Variants in LRRC7 observed in about 807,000 individuals in gnomAD.
The protein encoded by LRRC7 is leucine rich repeat containing 7, also known as leucine-rich repeat-containing protein 7.
Under a neutral mutation model 175.7 loss-of-function variants are expected in LRRC7, and 23 were observed. The observed-to-expected ratio is 0.13, with a 90% CI of 0.09 to 0.19. LRRC7 has a LOEUF of 0.19. Ranked by LOEUF, LRRC7 falls within the 10% of genes least tolerant of loss-of-function variation. The pLI, the probability that LRRC7 is intolerant of heterozygous loss-of-function variation, is 1.00. For missense variants in LRRC7, 1,354 were observed against 1,904.7 expected (o/e 0.71, Z 5.38); for synonymous variants, 685 against 680.9 (o/e 1.01, Z -0.09).
intron 10 of LRRC7, among the ~76,000 whole-genome samples, chr1:69,988,741 G>A (rs1354459515): frequency 6.6e-6 from 1 of 152,162 alleles, no homozygotes; most frequent in Non-Finnish European, 1.5e-5. Flanking sequence ...AGCTGGCTTG[G>A]ACTGAATCTG....
intron 4 of LRRC7, among the ~76,000 whole-genome samples, chr1:69,803,559 T>C (rs1676769224): frequency 6.6e-6 from 1 of 151,460 alleles, no homozygotes; most frequent in Admixed American, 6.6e-5. Context: ...TGATTCTATG[T>C]AGAAACATTA....
rs555836205 is a variant in LRRC7, at chr1:70,128,200, G to A, written c.*6313G>A. 6.6e-6 allele frequency among the ~76,000 whole-genome samples: 1 copy of A among 152,270 alleles called. No individual in the cohort carries two copies. The highest frequency in any genetic ancestry group is 1.5e-5 in the Non-Finnish European group (1 of 68,018). The stretch of plus-strand genomic sequence containing the variant: ...TGGTCTCGAACACCTGGCCTCAAAA[G>A]ATCCACCTGCCTCGACCTCCCAAAG... On this transcript the variant is annotated 3_prime_UTR_variant, in exon 27 of 27. Transcript: ENST00000651989.
At chr1:69,712,042 A>T (rs1457688434) in intron 2 of LRRC7, among the ~76,000 whole-genome samples, 1 of 152,196 alleles carries the variant, frequency 6.6e-6, no homozygotes, top group East Asian at 1.9e-4. Flanking sequence ...TTTGACTAAA[A>T]ATCTAGAAAC....
chr1:69,935,401 T>G (rs577570865), intron 8 of LRRC7, among the ~76,000 whole-genome samples: 1 of 152,272 alleles, frequency 6.6e-6, no homozygotes, highest in South Asian at 2.1e-4. Context: ...ACCTACCAAA[T>G]TGGAATTATA....
At chr1:69,718,128 A>AGAGAGAG (rs1553146102) in intron 2 of LRRC7, among the ~76,000 whole-genome samples, 5 of 67,796 alleles carry the variant, frequency 7.4e-5, no homozygotes, top group African/African-American at 2.0e-4. Context: ...AAAGAAAGAA[A>AGAGAGAG]AGAAAGAAAG....
intron 2 of LRRC7, among the ~76,000 whole-genome samples, chr1:69,684,184 C>T (rs1045133937): frequency 8.5e-5 from 13 of 152,168 alleles, no homozygotes; most frequent in Admixed American, 5.9e-4. Flanking sequence ...ACTATCAACT[C>T]TCTGAGCAGC....
chr1:69,873,344 T>C (rs948113436), intron 7 of LRRC7: 2 of 464,054 alleles, frequency 4.3e-6, no homozygotes, highest in Non-Finnish European at 9.1e-6. Flanking sequence ...TTCTACAGAA[T>C]TACATTAAAA....
intron 1 of LRRC7, among the ~76,000 whole-genome samples, chr1:69,644,098 A>G (rs886688689): frequency 4.6e-5 from 7 of 152,242 alleles, no homozygotes; most frequent in Middle Eastern, 3.4e-3. Context: ...CTTGGAATAT[A>G]TTCTATGTCC....
At chr1:69,785,828 A>G (rs2101041777) in intron 3 of LRRC7, among the ~76,000 whole-genome samples, 1 of 152,236 alleles carries the variant, frequency 6.6e-6, no homozygotes, top group South Asian at 2.1e-4. Context: ...GTGCCTTCCA[A>G]CAATTCTGAA....
intron 26 of LRRC7, among the ~76,000 whole-genome samples, chr1:70,115,053 C>G (rs1021674414): frequency 2.6e-5 from 4 of 151,978 alleles, no homozygotes; most frequent in African/African-American, 7.2e-5. Context: ...GAGAGAGACT[C>G]TTTAAAAGAA....
chr1:69,745,079 A>G (rs1346365995), intron 2 of LRRC7, among the ~76,000 whole-genome samples: 4 of 151,922 alleles, frequency 2.6e-5, no homozygotes, highest in Non-Finnish European at 5.9e-5. Context: ...TCAAAATGAG[A>G]CAGTTCCTAT....
At chr1:69,625,794 A>G (rs1041843467) in intron 1 of LRRC7, among the ~76,000 whole-genome samples, 2 of 152,106 alleles carry the variant, frequency 1.3e-5, no homozygotes, top group African/African-American at 4.8e-5. Flanking sequence ...TGAATTTCTA[A>G]ACATCTGGAA....
intron 4 of LRRC7, among the ~76,000 whole-genome samples, chr1:69,808,427 A>G (rs1318867665): frequency 6.6e-6 from 1 of 152,026 alleles, no homozygotes; most frequent in African/African-American, 2.4e-5. Flanking sequence ...AGACATCTAC[A>G]GAACTCTCCA....
At chr1:69,859,966 C>G (rs946413767) in intron 7 of LRRC7, among the ~76,000 whole-genome samples, 3 of 151,948 alleles carry the variant, frequency 2.0e-5, no homozygotes, top group Non-Finnish European at 4.4e-5. Flanking sequence ...CTGAATATCT[C>G]TATTTCTACT....
At chr1:69,640,957 A>G (rs567368392) in intron 1 of LRRC7, among the ~76,000 whole-genome samples, 1 of 151,838 alleles carries the variant, frequency 6.6e-6, no homozygotes, top group East Asian at 1.9e-4. Context: ...AAAATAATGA[A>G]ATTTTCTTTC....
At chr1:69,855,082 A>G (rs1352273950) in intron 7 of LRRC7, among the ~76,000 whole-genome samples, 1 of 152,214 alleles carries the variant, frequency 6.6e-6, no homozygotes, top group Non-Finnish European at 1.5e-5. Context: ...TTGATGCATG[A>G]TAAATGAAAG....
chr1:69,727,645 G>A (rs1281740754), intron 2 of LRRC7, among the ~76,000 whole-genome samples: 2 of 152,078 alleles, frequency 1.3e-5, no homozygotes, highest in Non-Finnish European at 2.9e-5. Flanking sequence ...TAGAAAGGAG[G>A]CTTTCTGTGT....
chr1:69,656,011 C>T (rs1172267753), intron 1 of LRRC7, among the ~76,000 whole-genome samples: 1 of 151,942 alleles, frequency 6.6e-6, no homozygotes, highest in Non-Finnish European at 1.5e-5. Context: ...ATTTGAACTG[C>T]CTACATTCTC....
intron 1 of LRRC7, among the ~76,000 whole-genome samples, chr1:69,628,387 C>A (rs757330161): frequency 2.6e-5 from 4 of 152,044 alleles, no homozygotes; most frequent in Non-Finnish European, 4.4e-5. Flanking sequence ...TATTAGCATT[C>A]CCCCAATGGA....
Sources: gnomAD v4.1 joint callset for allele counts (sites outside exome capture counted in the v4.1 genomes callset) on GRCh38, gnomAD v4.1.1 for gene constraint, MANE v1.5 for transcripts, NCBI Gene and HGNC (gene_info 2026-07-23, HGNC 2026-07-21) for gene names.